DCC: variants seen among roughly 807,000 people sequenced by gnomAD.
DCC encodes the protein netrin receptor DCC.
A neutral mutation model predicts 172.5 loss-of-function variants in DCC; 58 were observed. That is an observed-to-expected ratio of 0.34 (90% confidence interval 0.27 to 0.42). The LOEUF (loss-of-function observed/expected upper bound fraction) is 0.42, where lower values mean the gene tolerates loss of function less well. Ranked by LOEUF, DCC falls within the 10% of genes least tolerant of loss-of-function variation. The probability of loss-of-function intolerance (pLI) is 1.00; values close to 1 mark genes in which losing one functional copy is unlikely to be tolerated. For missense variants in DCC, 1,740 were observed against 1,791.0 expected (o/e 0.97, Z 0.51); for synonymous variants, 709 against 644.5 (o/e 1.10, Z -1.52).
intron 12 of DCC, among the ~76,000 whole-genome samples, chr18:53,267,616 G>T (rs1053994937): frequency 5.9e-5 from 9 of 152,102 alleles, no homozygotes; most frequent in African/African-American, 1.4e-4. Context: ...GAATAATCAT[G>T]CCCAACTAAT....
At position 53,530,704 on chromosome 18, in the gene DCC, C is replaced by T; in HGVS notation, c.*51C>T. The T allele has an allele frequency of 5.2e-6, 5 of 956,194 alleles. No homozygotes were observed. The highest frequency in any genetic ancestry group is 8.6e-6 in the Non-Finnish European group (5 of 578,874). 59.2% of individuals were successfully genotyped at this position (956,194 alleles called of 1,614,324 possible). On this transcript the variant is annotated 3_prime_UTR_variant, in exon 29 of 29. Coordinates refer to ENST00000442544, the MANE Select transcript of DCC (RefSeq NM_005215.4). Reference sequence around the variant, plus strand: ...AATTTTCCGGGAACTTTGCAGCATACCAATTACCCATAAACAGCACACCTG... The same window carrying T: ...AATTTTCCGGGAACTTTGCAGCATATCAATTACCCATAAACAGCACACCTG...
At chr18:52,725,005 A>G (rs1264976727) in intron 1 of DCC, among the ~76,000 whole-genome samples, 2 of 152,190 alleles carry the variant, frequency 1.3e-5, no homozygotes, top group Non-Finnish European at 2.9e-5. Context: ...ATAGCTAACT[A>G]TGAGGGTTAT....
At chr18:53,216,771 A>G (rs2055858681) in intron 12 of DCC, among the ~76,000 whole-genome samples, 1 of 152,166 alleles carries the variant, frequency 6.6e-6, no homozygotes, top group South Asian at 2.1e-4. Flanking sequence ...AAGAACTATT[A>G]AAGCAAACAT....
chr18:53,116,345 T>C (rs114556132), intron 7 of DCC, among the ~76,000 whole-genome samples: 2 of 151,750 alleles, frequency 1.3e-5, no homozygotes, highest in Non-Finnish European at 3.0e-5. Context: ...TTATTTGGGA[T>C]ACGCCTTATG....
chr18:52,714,941 A>G (rs2036353889), intron 1 of DCC, among the ~76,000 whole-genome samples: 1 of 152,140 alleles, frequency 6.6e-6, no homozygotes, highest in Non-Finnish European at 1.5e-5. Context: ...CTCTCCAAGG[A>G]GTATGTATCT....
intron 2 of DCC, among the ~76,000 whole-genome samples, chr18:52,835,435 G>T (rs1232397657): frequency 6.6e-6 from 1 of 152,094 alleles, no homozygotes; most frequent in Non-Finnish European, 1.5e-5. Context: ...ATAGACATTT[G>T]TTTTGCTCAG....
intron 1 of DCC, among the ~76,000 whole-genome samples, chr18:52,598,343 G>C (rs2033948722): frequency 6.6e-6 from 1 of 152,152 alleles, no homozygotes; most frequent in Admixed American, 6.5e-5. Flanking sequence ...CCCTGATGGG[G>C]TTTTCTGATG....
At chr18:53,232,457 A>G (rs1432302379) in intron 12 of DCC, among the ~76,000 whole-genome samples, 5 of 152,188 alleles carry the variant, frequency 3.3e-5, no homozygotes, top group African/African-American at 2.4e-5. Context: ...ATGAAAACCT[A>G]TAAGTATTTC....
At chr18:53,200,912 C>T (rs2055527093) in intron 9 of DCC, among the ~76,000 whole-genome samples, 1 of 152,110 alleles carries the variant, frequency 6.6e-6, no homozygotes, top group Admixed American at 6.6e-5. Context: ...CACTTGGAAC[C>T]TCAGAAAACT....
intron 21 of DCC, among the ~76,000 whole-genome samples, chr18:53,434,792 C>T (rs561890494): frequency 6.6e-6 from 1 of 152,214 alleles, no homozygotes; most frequent in African/African-American, 2.4e-5. Flanking sequence ...GAGCCAGGAC[C>T]TGAGTTATTT....
At chr18:52,376,640 A>T (rs1350838526) in intron 1 of DCC, among the ~76,000 whole-genome samples, 1 of 152,126 alleles carries the variant, frequency 6.6e-6, no homozygotes, top group Admixed American at 6.6e-5. Context: ...CTCATCTTTT[A>T]CACCATTTAT....
At chr18:53,508,268 C>T (rs1251804025) in intron 27 of DCC, among the ~76,000 whole-genome samples, 1 of 151,012 alleles carries the variant, frequency 6.6e-6, no homozygotes, top group African/African-American at 2.4e-5. Context: ...TCACAGCTCA[C>T]TGAAGCTTTG....
intron 1 of DCC, among the ~76,000 whole-genome samples, chr18:52,365,862 A>G (rs1437358842): frequency 6.6e-6 from 1 of 152,218 alleles, no homozygotes; most frequent in Non-Finnish European, 1.5e-5. Context: ...TAAATAAATG[A>G]GTATGGCTTT....
intron 12 of DCC, among the ~76,000 whole-genome samples, chr18:53,298,483 G>A (rs1214994621): frequency 1.7e-5 from 2 of 119,930 alleles, no homozygotes; most frequent in African/African-American, 6.5e-5. Context: ...AGCCCTGATT[G>A]CACCACTGCA....
chr18:52,899,611 T>C (rs907118919), intron 2 of DCC, among the ~76,000 whole-genome samples: 3 of 152,018 alleles, frequency 2.0e-5, no homozygotes, highest in African/African-American at 7.2e-5. Context: ...CGCCTCAGCC[T>C]CACAAAGTGC....
intron 18 of DCC, among the ~76,000 whole-genome samples, chr18:53,401,249 T>A (rs1189581760): frequency 6.6e-6 from 1 of 151,722 alleles, no homozygotes; most frequent in African/African-American, 2.4e-5. Context: ...GTCTTTTTAC[T>A]AAGGGATCAA....
intron 15 of DCC, among the ~76,000 whole-genome samples, chr18:53,361,065 T>C (rs1205141560): frequency 6.6e-6 from 1 of 152,020 alleles, no homozygotes; most frequent in Non-Finnish European, 1.5e-5. Flanking sequence ...CTAAATCCCA[T>C]GATGTGTCCA....
In DCC at chr18:53,527,643, G is replaced by A. The variant is rs2144623034; in HGVS notation, c.4254+884G>A. On this transcript the variant is annotated intron_variant, in intron 28 of 28. Transcript: ENST00000442544. ...AGGAAATAAGCTAAAAAGGGTTCCA[G>A]TTAGAAAACTCAGAAGGAACATCAA... Among the ~76,000 whole-genome samples the A allele has an allele frequency of 2.0e-5, 3 of 151,794 alleles. No homozygotes were observed. In the South Asian group the frequency reaches 6.2e-4, roughly 31 times the overall value.
intron 1 of DCC, among the ~76,000 whole-genome samples, chr18:52,476,174 A>T (rs956124569): frequency 2.0e-5 from 3 of 152,230 alleles, no homozygotes; most frequent in Non-Finnish European, 4.4e-5. Context: ...AAAATAAGGT[A>T]CTTGCAGCTT....
Sources: allele counts gnomAD v4.1 joint callset (sites outside exome capture counted in the v4.1 genomes callset), GRCh38; gene constraint gnomAD v4.1.1; transcripts MANE v1.5; gene names NCBI Gene and HGNC (gene_info 2026-07-23, HGNC 2026-07-21).